LINGO2: variants seen among roughly 807,000 people sequenced by gnomAD.
The protein encoded by LINGO2 is leucine-rich repeat and immunoglobulin-like domain-containing nogo receptor-interacting protein 2.
LINGO2 carries 14 observed loss-of-function variants against 30.6 expected under a neutral mutation model. That is an observed-to-expected ratio of 0.46 (90% CI 0.30 to 0.72). The LOEUF is 0.72. LINGO2 is among the 30% of genes least tolerant of loss of function. The pLI, the probability that LINGO2 is intolerant of heterozygous loss-of-function variation, is 0.07. For missense variants in LINGO2, 729 were observed against 751.7 expected, an observed-to-expected ratio of 0.97 and a Z score of 0.35; for synonymous variants, 317 against 288.5, an observed-to-expected ratio of 1.10 and a Z score of -1.00.
At chr9:28,556,697 T>G (rs1822720040) in intron 1 of LINGO2, among the ~76,000 whole-genome samples, 1 of 152,000 alleles carries the variant, frequency 6.6e-6, no homozygotes, top group Admixed American at 6.6e-5. Context: ...AAGTCAATCC[T>G]AAGCCAAAAG....
the LINGO2 span, among the ~76,000 whole-genome samples, chr9:29,167,928 C>A: frequency 3.3e-5 from 5 of 152,034 alleles, no homozygotes; most frequent in Non-Finnish European, 5.9e-5. Flanking sequence ...ACTCCACAGT[C>A]GTTAGCTACT....
the LINGO2 span, among the ~76,000 whole-genome samples, chr9:29,186,331 A>G: frequency 1.3e-5 from 2 of 152,178 alleles, no homozygotes; most frequent in Admixed American, 6.5e-5. Context: ...AAAATAAAGA[A>G]AAGGAAATGC....
intron 2 of LINGO2, among the ~76,000 whole-genome samples, chr9:28,431,708 A>G (rs879259558): frequency 1.3e-5 from 2 of 152,182 alleles, no homozygotes; most frequent in African/African-American, 2.4e-5. Context: ...CTCTTTCAGA[A>G]AGCCCTGTGG....
chr9:29,103,528 TATA>T, the LINGO2 span, among the ~76,000 whole-genome samples: 1 of 150,294 alleles, frequency 6.7e-6, no homozygotes, highest in African/African-American at 2.5e-5. Flanking sequence ...CTAATAAGTT[TATA>T]ATATTTCTTT....
At chr9:28,445,349 T>G (rs1040245884) in intron 2 of LINGO2, among the ~76,000 whole-genome samples, 3 of 152,198 alleles carry the variant, frequency 2.0e-5, no homozygotes, top group Non-Finnish European at 4.4e-5. Context: ...CACCTCATCC[T>G]GACCACCCTG....
At chr9:27,982,996 G>A (rs1040033544) in intron 5 of LINGO2, among the ~76,000 whole-genome samples, 1 of 151,396 alleles carries the variant, frequency 6.6e-6, no homozygotes, top group East Asian at 2.0e-4. Context: ...TATACTTCTC[G>A]GTCACCTTGC....
At chr9:28,271,868 A>T (rs1822952474) in intron 4 of LINGO2, among the ~76,000 whole-genome samples, 1 of 152,186 alleles carries the variant, frequency 6.6e-6, no homozygotes, top group African/African-American at 2.4e-5. Flanking sequence ...GAAAATAGAA[A>T]AACAGTCCTT....
chr9:28,206,638 A>G (rs1245489641), intron 4 of LINGO2, among the ~76,000 whole-genome samples: 1 of 152,202 alleles, frequency 6.6e-6, no homozygotes, highest in African/African-American at 2.4e-5. Flanking sequence ...CTTAATAGGT[A>G]TATTTCCATA....
chr9:28,054,073 AG>A (rs573017039), intron 4 of LINGO2, among the ~76,000 whole-genome samples: 335 of 151,916 alleles, frequency 2.2e-3, no homozygotes, highest in African/African-American at 7.9e-3. Context: ...ACAAAAAAAA[AG>A]AGAAAGTGGG....
chr9:28,848,053 A>AT, the LINGO2 span, among the ~76,000 whole-genome samples: 1 of 14,254 alleles, frequency 7.0e-5, no homozygotes, highest in African/African-American at 1.9e-4. Flanking sequence ...TAGTATATAT[A>AT]TATATATATG....
chr9:28,217,737 A>T (rs773065819), intron 4 of LINGO2, among the ~76,000 whole-genome samples: 1 of 151,946 alleles, frequency 6.6e-6, no homozygotes. Flanking sequence ...GGTCCGAAAG[A>T]CCCCTTCTAA....
At chr9:28,300,126 GA>G (rs11306826) in intron 3 of LINGO2, among the ~76,000 whole-genome samples, 93,970 of 131,822 alleles carry the variant, frequency 0.71, 32,448 homozygotes, top group South Asian at 0.82. Context: ...TTTTCTAATG[GA>G]AAAAAAAAAA....
chr9:29,011,776 C>A, the LINGO2 span, among the ~76,000 whole-genome samples: 43 of 152,132 alleles, frequency 2.8e-4, no homozygotes, highest in African/African-American at 9.9e-4. Context: ...AGTCATTAAC[C>A]CCGAATTTAT....
intron 4 of LINGO2, among the ~76,000 whole-genome samples, chr9:28,293,713 C>G (rs931851530): frequency 3.9e-5 from 6 of 151,948 alleles, no homozygotes; most frequent in Admixed American, 6.6e-5. Flanking sequence ...TTAAGTTTTT[C>G]CTTCTAACTC....
At chr9:28,658,413 T>C (rs547608987) in intron 1 of LINGO2, among the ~76,000 whole-genome samples, 1 of 152,194 alleles carries the variant, frequency 6.6e-6, no homozygotes, top group East Asian at 1.9e-4. Context: ...AACTGTTTAG[T>C]AGCTCTGATG....
At chr9:28,022,513 C>A (rs765839009) in intron 4 of LINGO2, among the ~76,000 whole-genome samples, 6 of 152,056 alleles carry the variant, frequency 3.9e-5, no homozygotes, top group Non-Finnish European at 7.4e-5. Context: ...AATCCCTCAG[C>A]TTTTGCTGGT....
At position 28,098,127 on chromosome 9, in the gene LINGO2, A is replaced by G. The variant is rs1289995009; in HGVS notation, c.-86-85722T>C. ...TGAGACTAGTCTGACCAACATGGTG[A>G]AACTCCATGTCTACTGAAAATACAA... On this transcript the variant is annotated intron_variant, in intron 4 of 5. Transcript: ENST00000379992. Among the ~76,000 whole-genome samples the G allele has an allele frequency of 3.9e-5, 6 of 152,238 alleles. No individual in the cohort carries two copies. The East Asian group carries it at 1.2e-3, about 30-fold the overall frequency.
At chr9:28,106,649 C>G (rs537304696) in intron 4 of LINGO2, among the ~76,000 whole-genome samples, 1 of 152,218 alleles carries the variant, frequency 6.6e-6, no homozygotes, top group Non-Finnish European at 1.5e-5. Context: ...CCTCCTCATC[C>G]CACCACCCAC....
chr9:29,205,717 T>C, the LINGO2 span, among the ~76,000 whole-genome samples: 1 of 152,128 alleles, frequency 6.6e-6, no homozygotes, highest in African/African-American at 2.4e-5. Flanking sequence ...TGTGTTTGGG[T>C]TTTTAACAAC....
Sources: allele counts gnomAD v4.1 joint callset (sites outside exome capture counted in the v4.1 genomes callset), GRCh38; gene constraint gnomAD v4.1.1; transcripts MANE v1.5; gene names NCBI Gene and HGNC (gene_info 2026-07-23, HGNC 2026-07-21).